CCSER2: variants seen among roughly 807,000 people sequenced by gnomAD.
The protein encoded by CCSER2 is serine-rich coiled-coil domain-containing protein 2.
Under a neutral mutation model 92.3 loss-of-function variants are expected in CCSER2, and 46 were observed. That is an observed-to-expected ratio of 0.50 (90% CI 0.39 to 0.64). CCSER2 has a LOEUF of 0.64. CCSER2 is among the 30% of genes least tolerant of loss of function. The pLI, the probability that CCSER2 is intolerant of heterozygous loss-of-function variation, is 0.00. For missense variants in CCSER2, 1,244 were observed against 1,238.9 expected (o/e 1.00, Z -0.06); for synonymous variants, 433 against 431.4 (o/e 1.00, Z -0.04).
Position 84,438,716 on chromosome 10 carries a change from A to G in CCSER2, c.2064+9A>G, listed in dbSNP as rs771090173. ...AACGTCTCCTGCATCAGGTGAGTACATAATGAACATTTCCAGCTCTGATAT... is the reference window on the plus strand; with the variant it reads ...AACGTCTCCTGCATCAGGTGAGTACGTAATGAACATTTCCAGCTCTGATAT... On this transcript the variant is annotated intron_variant, in intron 6 of 9. Transcript: ENST00000372088. The G allele has an allele frequency of 2.8e-5, 43 of 1,518,286 alleles. No individual in the cohort carries two copies. Among genetic ancestry groups the G allele is most frequent in the Admixed American group, 1.2e-4 (6 of 48,394 alleles). 94.1% of individuals were successfully genotyped at this position (1,518,286 alleles called of 1,614,324 possible).
intron 9 of CCSER2, among the ~76,000 whole-genome samples, chr10:84,484,499 G>GTGTA (rs773906219): frequency 2.0e-5 from 3 of 151,750 alleles, no homozygotes; most frequent in Admixed American, 6.6e-5. Flanking sequence ...ACGTGTGTGT[G>GTGTA]TGTGTGTGTG....
Position 84,516,508 on chromosome 10 carries a change from A to G in CCSER2, c.*2241A>G, listed in dbSNP as rs534663855. The G allele has an allele frequency of 1.3e-5, 2 of 152,336 alleles. No homozygotes were observed. The highest frequency in any genetic ancestry group is 2.9e-5 in the Non-Finnish European group (2 of 68,034). The allele number at this position is 152,336 out of a possible 1,614,324, so 9.4% of individuals were successfully genotyped here. A position where few individuals can be genotyped will look rare whatever the true frequency, so the allele number is the denominator to read the frequency against. On this transcript the variant is annotated 3_prime_UTR_variant, in exon 10 of 10. Coordinates refer to ENST00000372088, the MANE Select transcript of CCSER2 (RefSeq NM_001284240.2). ...TATGTGAATCATACTATATTCCCCT[A>G]AAGTAAAACCAGTGACTTAGTGGTT...
intron 3 of CCSER2, among the ~76,000 whole-genome samples, chr10:84,399,965 G>A (rs1842034813): frequency 6.6e-6 from 1 of 151,582 alleles, no homozygotes. Context: ...GTATTTTATT[G>A]TGGTTTTGAT....
At chr10:84,438,795 G>A (rs911989484) in intron 6 of CCSER2, 88 bp downstream of exon 6, 12 of 761,338 alleles carry the variant, frequency 1.6e-5, no homozygotes, top group Admixed American at 2.8e-5. Context: ...TACTTACTGG[G>A]TTTCTCATGT....
chr10:84,339,414 A>G (rs1844044061), intron 1 of CCSER2, among the ~76,000 whole-genome samples: 3 of 152,062 alleles, frequency 2.0e-5, no homozygotes, highest in African/African-American at 7.2e-5. Flanking sequence ...ATTCCATGAA[A>G]ATGAGAAATG....
At chr10:84,412,188 G>T (rs2133367331) in intron 3 of CCSER2, among the ~76,000 whole-genome samples, 1 of 152,056 alleles carries the variant, frequency 6.6e-6, no homozygotes, top group Middle Eastern at 3.2e-3. Context: ...CCTTCTGTTT[G>T]CCAGTATTTT....
chr10:84,336,551 G>A (rs1476211818), intron 1 of CCSER2, among the ~76,000 whole-genome samples: 1 of 152,162 alleles, frequency 6.6e-6, no homozygotes, highest in African/African-American at 2.4e-5. Flanking sequence ...ACTTGATGAA[G>A]ATAGAACTGG....
At chr10:84,493,003 T>C (rs1195487061) in intron 9 of CCSER2, among the ~76,000 whole-genome samples, 1 of 152,208 alleles carries the variant, frequency 6.6e-6, no homozygotes. Flanking sequence ...TTTCTTCTCG[T>C]CTGCTTTATG....
intron 6 of CCSER2, chr10:84,455,750 T>G: frequency 8.5e-6 from 9 of 1,058,192 alleles, no homozygotes; most frequent in Non-Finnish European, 1.3e-5. Flanking sequence ...CTGCACATTC[T>G]CAGAGGGAAC....
Position 84,391,414 on chromosome 10 carries a change from G to A in CCSER2, c.1614+17599G>A, listed in dbSNP as rs1564623314. 2.4e-5 allele frequency: 37 copies of A among 1,527,458 alleles called. No individual in the cohort carries two copies. The East Asian group carries it at 6.7e-4, about 28-fold the overall frequency. 94.6% of individuals were successfully genotyped at this position (1,527,458 alleles called of 1,614,324 possible). A position where few individuals can be genotyped will look rare whatever the true frequency, so the allele number is the denominator to read the frequency against. On this transcript the variant is annotated intron_variant, in intron 3 of 9. Transcript: ENST00000372088. ...TGCATCAGTGGATGCAGGATAAAAT[G>A]CTAGAAGTTCGACAGAGTTATTTTG...
intron 1 of CCSER2, among the ~76,000 whole-genome samples, chr10:84,360,700 A>G (rs948707343): frequency 6.6e-6 from 1 of 152,184 alleles, no homozygotes; most frequent in East Asian, 1.9e-4. Flanking sequence ...AGATCGGCAG[A>G]ATCAACATCA....
intron 6 of CCSER2, 136 bp downstream of exon 6, chr10:84,438,843 A>G (rs751577906): frequency 3.9e-5 from 22 of 560,024 alleles, no homozygotes; most frequent in Non-Finnish European, 6.1e-5. Context: ...TGTAAATAGT[A>G]TATAGTAGAA....
rs948299703 is a variant in CCSER2 at position 84,337,007 on chromosome 10, A to C, written c.-40+8199A>C. On this transcript the variant is annotated intron_variant, in intron 1 of 9. Coordinates refer to ENST00000372088, the MANE Select transcript of CCSER2 (RefSeq NM_001284240.2). ...CCTGAGATGGGTAAGAGCGCAGAAGAAGCAGGGTTTTAGCGGGGGAAGTAA... is the reference window on the plus strand; with the variant it reads ...CCTGAGATGGGTAAGAGCGCAGAAGCAGCAGGGTTTTAGCGGGGGAAGTAA... 3.9e-5 allele frequency among the ~76,000 whole-genome samples: 6 copies of C among 152,322 alleles called. No homozygotes were observed. The South Asian group carries it at 1.2e-3, about 32-fold the overall frequency.
At position 84,425,893 on chromosome 10, in the gene CCSER2, G is replaced by C. The variant is rs367802673; in HGVS notation, c.1868G>C (p.Arg623Thr). Residue 623 changes from arginine to threonine, a missense_variant and splice_region_variant, in exon 5 of 10, where the codon AGA (arginine) becomes ACA (threonine). Physicochemically the swap from Arg to Thr is moderately conservative, Grantham distance 71. Transcript: ENST00000372088. ...YHHHGKSDLS[R>T]GSPYRESPLG... ...CACCATGGAAAAAGTGACTTGAGCA[G>C]GTAAGTACTGTTCTGACTTAGATTT... 3.2e-6 allele frequency: 5 copies of C among 1,578,746 alleles called. No homozygotes were observed. Among genetic ancestry groups the C allele is most frequent in the Non-Finnish European group, 4.3e-6 (5 of 1,158,984 alleles).
chr10:84,493,051 A>G (rs1435765676), intron 9 of CCSER2, among the ~76,000 whole-genome samples: 1 of 152,172 alleles, frequency 6.6e-6, no homozygotes, highest in Non-Finnish European at 1.5e-5. Flanking sequence ...ATTCTTCTTT[A>G]AACATTTAGT....
intron 3 of CCSER2, chr10:84,391,283 G>C: frequency 6.8e-7 from 1 of 1,464,094 alleles, no homozygotes; most frequent in Non-Finnish European, 9.6e-7. Context: ...TGAAGCTCCA[G>C]ATAAAGATTT....
At chr10:84,488,920 G>C (rs1026028210) in intron 9 of CCSER2, among the ~76,000 whole-genome samples, 6 of 152,186 alleles carry the variant, frequency 3.9e-5, no homozygotes, top group Non-Finnish European at 5.9e-5. Flanking sequence ...ATGTGTCCCA[G>C]AGATTCTGGT....
chr10:84,407,667 G>A (rs1842444756), intron 3 of CCSER2, among the ~76,000 whole-genome samples: 1 of 152,194 alleles, frequency 6.6e-6, no homozygotes, highest in Non-Finnish European at 1.5e-5. Context: ...CTGCACTGCA[G>A]CCAGAATAAT....
chr10:84,439,706 C>A (rs1354681667), intron 6 of CCSER2, among the ~76,000 whole-genome samples: 1 of 152,146 alleles, frequency 6.6e-6, no homozygotes, highest in African/African-American at 2.4e-5. Context: ...TGAAAAGAAA[C>A]TTTTTTGAGC....
Sources: gnomAD v4.1 joint callset for allele counts (sites outside exome capture counted in the v4.1 genomes callset) on GRCh38, gnomAD v4.1.1 for gene constraint, MANE v1.5 for transcripts, NCBI Gene and HGNC (gene_info 2026-07-23, HGNC 2026-07-21) for gene names.